TFAP2B: variants seen among roughly 807,000 people sequenced by gnomAD.
TFAP2B encodes the protein transcription factor AP-2-beta.
TFAP2B carries 9 observed loss-of-function variants against 44.3 expected under a neutral mutation model. The ratio of observed to expected loss-of-function variants is 0.20; its 90% CI spans 0.12 to 0.35. The LOEUF (loss-of-function observed/expected upper bound fraction) is 0.35. Ranked by LOEUF, TFAP2B falls within the 10% of genes least tolerant of loss-of-function variation. The pLI, the probability that TFAP2B is intolerant of heterozygous loss-of-function variation, is 1.00. For missense variants in TFAP2B, 509 were observed against 600.0 expected, an observed-to-expected ratio of 0.85 and a Z score of 1.59; for synonymous variants, 270 against 263.8, an observed-to-expected ratio of 1.02 and a Z score of -0.23.
At chr6:50,829,328 T>G (rs1770611129) in intron 3 of TFAP2B, among the ~76,000 whole-genome samples, 1 of 152,232 alleles carries the variant, frequency 6.6e-6, no homozygotes. Flanking sequence ...TGCAGTCTCT[T>G]GTACAGCTGT....
chr6:50,829,203 A>G (rs1335796397), intron 3 of TFAP2B, among the ~76,000 whole-genome samples: 1 of 152,138 alleles, frequency 6.6e-6, no homozygotes, highest in Non-Finnish European at 1.5e-5. Flanking sequence ...GCGCATCCTG[A>G]GAAGCTGAGA....
At chr6:50,825,725 C>G (rs1770484363) in intron 2 of TFAP2B, among the ~76,000 whole-genome samples, 1 of 152,082 alleles carries the variant, frequency 6.6e-6, no homozygotes. Flanking sequence ...AGGTAGAGAG[C>G]TGAAAGGAGA....
At chr6:50,833,354 G>T (rs748465661) in intron 3 of TFAP2B, among the ~76,000 whole-genome samples, 6 of 152,178 alleles carry the variant, frequency 3.9e-5, no homozygotes, top group Non-Finnish European at 8.8e-5. Context: ...CTAAAGGAAA[G>T]TTGGGACAAG....
At chr6:50,842,820 G>C (rs1020325035) in intron 6 of TFAP2B, among the ~76,000 whole-genome samples, 1 of 152,224 alleles carries the variant, frequency 6.6e-6, no homozygotes, top group Non-Finnish European at 1.5e-5. Context: ...GCGAGTCCAG[G>C]CGGTCCTGGA....
intron 2 of TFAP2B, among the ~76,000 whole-genome samples, chr6:50,826,347 G>A (rs902255611): frequency 8.5e-5 from 13 of 152,158 alleles, no homozygotes; most frequent in Middle Eastern, 3.2e-3. Flanking sequence ...TATGGGTCGA[G>A]GGTTTTGTTG....
At chr6:50,819,061 T>G (rs1368480028) in intron 1 of TFAP2B, 89 bp downstream of exon 1, 2 of 1,284,098 alleles carry the variant, frequency 1.6e-6, no homozygotes, top group Non-Finnish European at 2.2e-6. Context: ...ATTTTTAAGC[T>G]ATTTACTCGT....
intron 5 of TFAP2B, 45 bp downstream of exon 5, chr6:50,838,138 T>C (rs1762658248): frequency 2.1e-6 from 3 of 1,420,316 alleles, no homozygotes; most frequent in African/African-American, 1.4e-5. Flanking sequence ...TGAGCTTAAC[T>C]GTCGGCTGGA....
chr6:50,842,053 G>T (rs189916322), intron 6 of TFAP2B, among the ~76,000 whole-genome samples: 12 of 152,162 alleles, frequency 7.9e-5, no homozygotes, highest in Admixed American at 7.9e-4. Context: ...TCTGTGAGTC[G>T]GGCCAACCCA....
intron 2 of TFAP2B, among the ~76,000 whole-genome samples, chr6:50,824,853 G>C (rs1414434156): frequency 6.6e-6 from 1 of 152,230 alleles, no homozygotes; most frequent in Non-Finnish European, 1.5e-5. Flanking sequence ...GAGCAGGTCT[G>C]CTTTTTCACC....
intron 6 of TFAP2B, 139 bp from the exon 7 acceptor site, chr6:50,842,953 G>GGAAA (rs1471805299): frequency 5.7e-6 from 7 of 1,219,840 alleles, no homozygotes; most frequent in Non-Finnish European, 7.2e-6. Flanking sequence ...CGCTGGGAAA[G>GGAAA]GAAACAGAGC....
intron 3 of TFAP2B, among the ~76,000 whole-genome samples, chr6:50,831,151 C>A (rs1770658049): frequency 6.6e-6 from 1 of 152,168 alleles, no homozygotes; most frequent in Non-Finnish European, 1.5e-5. Flanking sequence ...GTTTATGTCA[C>A]CCCATAGATT....
At chr6:50,837,327 G>C (rs1024627137) in intron 4 of TFAP2B, among the ~76,000 whole-genome samples, 5 of 152,180 alleles carry the variant, frequency 3.3e-5, no homozygotes, top group Non-Finnish European at 1.5e-5. Flanking sequence ...GAGCCTCAGA[G>C]TGTGGAAGTT....
intron 3 of TFAP2B, chr6:50,830,161 C>G: frequency 3.5e-6 from 1 of 286,930 alleles, no homozygotes; most frequent in Non-Finnish European, 5.2e-6. Context: ...TGGCTTTTTT[C>G]AGTTTGTTTT....
chr6:50,832,047 C>A (rs1173091345), intron 3 of TFAP2B, among the ~76,000 whole-genome samples: 1 of 152,152 alleles, frequency 6.6e-6, no homozygotes, highest in Non-Finnish European at 1.5e-5. Context: ...ATTTCTATTA[C>A]AATTGATTCT....
rs1762875833 is a variant in TFAP2B, at chr6:50,847,588, T to C, written c.*4196T>C. 1 of 152,486 alleles carries C rather than the reference T, an allele frequency of 6.6e-6. No homozygotes were observed. Among genetic ancestry groups the C allele is most frequent in the Non-Finnish European group, 1.5e-5 (1 of 68,032 alleles). 9.4% of individuals were successfully genotyped at this position (152,486 alleles called of 1,614,324 possible). A position where few individuals can be genotyped will look rare whatever the true frequency, so the allele number is the denominator to read the frequency against. On this transcript the variant is annotated 3_prime_UTR_variant, in exon 7 of 7. Coordinates refer to ENST00000393655, the MANE Select transcript of TFAP2B (RefSeq NM_003221.4). Reference sequence around the variant, plus strand: ...TTGTCCAGTGTTAATCTGATTTACATAAATAAAAAGATTGTTGTGTTTTCA... The same window carrying C: ...TTGTCCAGTGTTAATCTGATTTACACAAATAAAAAGATTGTTGTGTTTTCA...
Position 50,843,313 on chromosome 6 carries a change from A to C in TFAP2B, c.1304A>C (p.Asn435Thr), listed in dbSNP as rs115226995. 1,826 of 1,614,208 alleles carry C rather than the reference A, an allele frequency of 1.1e-3. 2 individuals carry two copies. The highest frequency in any genetic ancestry group is 1.4e-3 in the Non-Finnish European group (1,676 of 1,180,044). Residue 435 changes from asparagine (N) to threonine (T), a missense_variant, in exon 7 of 7, where the codon AAC becomes ACC. This residue lies in a region of TFAP2B where 168 missense variants were observed against 183.2 expected (regional missense o/e 0.92). Coordinates refer to ENST00000393655, the MANE Select transcript of TFAP2B (RefSeq NM_003221.4). ...GGCATGGACAAGATGTTCTTGAACA[A>C]CACCACCACTAACAGGCACACGTCT... ...LKGMDKMFLN[N>T]TTTNRHTSGE...
In TFAP2B at chr6:50,843,333, A is replaced by G; in HGVS notation, c.1324A>G (p.Thr442Ala). ...FLNNTTTNRHTSGEGPGSKTG... is the reference protein window; with the variant it reads ...FLNNTTTNRHASGEGPGSKTG... ...GAACAACACCACCACTAACAGGCACACGTCTGGGGAAGGCCCAGGTAGTAA... is the reference window on the plus strand; with the variant it reads ...GAACAACACCACCACTAACAGGCACGCGTCTGGGGAAGGCCCAGGTAGTAA... The change falls in exon 7 of 7, where the codon ACG (threonine) becomes GCG (alanine). Residue 442 changes from threonine to alanine, a missense_variant. Thr to Ala is a moderately conservative substitution (Grantham distance 58). This residue lies in a region of TFAP2B where 168 missense variants were observed against 183.2 expected (regional missense o/e 0.92). Coordinates refer to ENST00000393655, the MANE Select transcript of TFAP2B (RefSeq NM_003221.4). 6.2e-7 allele frequency: 1 copy of G among 1,614,194 alleles called. No homozygotes were observed. Among genetic ancestry groups the G allele is most frequent in the Non-Finnish European group, 8.5e-7 (1 of 1,180,042 alleles).
chr6:50,821,990 A>ATT, intron 1 of TFAP2B: 1 of 276,404 alleles, frequency 3.6e-6, no homozygotes, highest in South Asian at 2.6e-5. Flanking sequence ...GGGCGGGTGT[A>ATT]ATTTTTTTTT....
At chr6:50,832,344 T>C (rs189996584) in intron 3 of TFAP2B, among the ~76,000 whole-genome samples, 34 of 152,356 alleles carry the variant, frequency 2.2e-4, no homozygotes, top group African/African-American at 7.9e-4. Context: ...CAACTCAGTT[T>C]CCAGCCTTTT....
Sources: gnomAD v4.1 joint callset for allele counts (sites outside exome capture counted in the v4.1 genomes callset) on GRCh38, gnomAD v4.1.1 for gene constraint, gnomAD v4.1.1 regional missense constraint, MANE v1.5 for transcripts, NCBI Gene and HGNC (gene_info 2026-07-23, HGNC 2026-07-21) for gene names.